The following SBNO1 variants were observed in gnomAD, a reference collection of about 807,000 sequenced individuals.
SBNO1 encodes protein strawberry notch homolog 1.
Under a neutral mutation model 173.6 loss-of-function variants are expected in SBNO1, and 23 were observed. The observed-to-expected ratio is 0.13, with a 90% CI of 0.10 to 0.19. SBNO1 has a LOEUF of 0.19. SBNO1 is among the 10% of genes least tolerant of loss of function. The probability of loss-of-function intolerance (pLI) is 1.00; values close to 1 mark genes in which losing one functional copy is unlikely to be tolerated. For missense variants in SBNO1, 1,238 were observed against 1,671.2 expected (o/e 0.74, Z 4.52); for synonymous variants, 632 against 571.5 (o/e 1.11, Z -1.51).
At chr12:123,296,173 T>A in intron 31 of SBNO1, 123 bp from the exon 32 acceptor site, 2 of 613,838 alleles carry the variant, frequency 3.3e-6, no homozygotes, top group Non-Finnish European at 5.8e-6. Context: ...ACACAAAAAT[T>A]AAACGACTAC....
intron 6 of SBNO1, among the ~76,000 whole-genome samples, chr12:123,336,044 G>A (rs186705935): frequency 1.6e-3 from 236 of 151,968 alleles, no homozygotes; most frequent in Admixed American, 6.2e-3. Flanking sequence ...CCTAATTTTC[G>A]ACTTCATACA....
chr12:123,309,661 T>C (rs1478798791), intron 26 of SBNO1, 49 bp downstream of exon 26: 26 of 1,602,190 alleles, frequency 1.6e-5, no homozygotes, highest in Non-Finnish European at 2.0e-5. Flanking sequence ...ATTTCTCCAC[T>C]CCACATTTTC....
chr12:123,334,619 A>C (rs1436886206), intron 6 of SBNO1, among the ~76,000 whole-genome samples: 1 of 152,178 alleles, frequency 6.6e-6, no homozygotes, highest in East Asian at 1.9e-4. Flanking sequence ...GAGGAACGAG[A>C]ATTGCTTGAA....
chr12:123,329,567 T>C (rs1009862375), intron 9 of SBNO1, among the ~76,000 whole-genome samples: 1 of 152,076 alleles, frequency 6.6e-6, no homozygotes, highest in African/African-American at 2.4e-5. Context: ...TAATTGTTAA[T>C]GTGCCTTTCT....
chr12:123,357,517 C>T (rs1273011420), intron 1 of SBNO1, among the ~76,000 whole-genome samples: 1 of 151,838 alleles, frequency 6.6e-6, no homozygotes, highest in Non-Finnish European at 1.5e-5. Flanking sequence ...CTGAGGCAGG[C>T]GGATCACAAG....
chr12:123,333,947 C>T (rs1175153243), intron 7 of SBNO1, 106 bp downstream of exon 7: 1 of 666,252 alleles, frequency 1.5e-6, no homozygotes. Flanking sequence ...ATAAATATTA[C>T]ATTTACAAGG....
chr12:123,353,067 G>C (rs1189559563), intron 1 of SBNO1, among the ~76,000 whole-genome samples: 1 of 152,084 alleles, frequency 6.6e-6, no homozygotes, highest in Non-Finnish European at 1.5e-5. Context: ...CAAAGTGCTA[G>C]GATTAGAGGC....
chr12:123,313,574 T>C, intron 24 of SBNO1, 46 bp downstream of exon 24: 1 of 1,025,916 alleles, frequency 9.7e-7, no homozygotes, highest in Non-Finnish European at 1.5e-6. Flanking sequence ...TGAGTACATC[T>C]TTGTCAATAA....
intron 4 of SBNO1, among the ~76,000 whole-genome samples, chr12:123,344,666 C>G (rs1449672234): frequency 1.3e-5 from 2 of 152,066 alleles, no homozygotes; most frequent in African/African-American, 2.4e-5. Flanking sequence ...CTGGCCAACA[C>G]AGTGAAACCC....
chr12:123,334,296 T>G (rs1871570955), intron 6 of SBNO1, 83 bp from the exon 7 acceptor site: 2 of 856,778 alleles, frequency 2.3e-6, no homozygotes, highest in East Asian at 5.8e-5. Flanking sequence ...TTTCAATGTT[T>G]TTCTTATAAC....
At chr12:123,301,794 C>G (rs1021977646) in intron 30 of SBNO1, among the ~76,000 whole-genome samples, 5 of 152,078 alleles carry the variant, frequency 3.3e-5, no homozygotes, top group African/African-American at 1.2e-4. Flanking sequence ...ACTCAGGAGG[C>G]TGAGATGGGA....
intron 28 of SBNO1, 33 bp downstream of exon 28, chr12:123,309,277 A>G (rs1213274844): frequency 1.4e-6 from 2 of 1,468,370 alleles, no homozygotes; most frequent in East Asian, 2.3e-5. Flanking sequence ...AAAGTATTAT[A>G]TATCTGAATA....
At chr12:123,297,422 A>AAAAAAAAAAAAAAAAAAAT (rs1555243597) in intron 31 of SBNO1, among the ~76,000 whole-genome samples, 42 of 148,166 alleles carry the variant, frequency 2.8e-4, no homozygotes, top group East Asian at 9.9e-4. Context: ...AAAAAAAAAA[A>AAAAAAAAAAAAAAAAAAAT]TTCCATAGAC....
intron 23 of SBNO1, among the ~76,000 whole-genome samples, chr12:123,315,059 A>G (rs981941581): frequency 3.9e-5 from 6 of 152,116 alleles, no homozygotes; most frequent in African/African-American, 1.4e-4. Context: ...TATATTTTAT[A>G]CTGCCTAGTT....
chr12:123,336,165 T>C (rs1320214923), intron 6 of SBNO1, among the ~76,000 whole-genome samples: 1 of 152,216 alleles, frequency 6.6e-6, no homozygotes, highest in Non-Finnish European at 1.5e-5. Context: ...TTTAGACAAG[T>C]TGTATTAAAT....
intron 1 of SBNO1, among the ~76,000 whole-genome samples, chr12:123,354,647 A>C (rs1874232115): frequency 1.3e-5 from 2 of 152,200 alleles, no homozygotes; most frequent in African/African-American, 4.8e-5. Flanking sequence ...TGTATTAGCC[A>C]ATCTCCTCCT....
intron 1 of SBNO1, among the ~76,000 whole-genome samples, chr12:123,360,327 G>A (rs1371999249): frequency 1.3e-5 from 2 of 152,090 alleles, no homozygotes; most frequent in African/African-American, 2.4e-5. Flanking sequence ...GGAATGTGAG[G>A]TTACTCAGTA....
chr12:123,324,362 C>T (rs886658657), intron 15 of SBNO1, among the ~76,000 whole-genome samples: 2 of 151,450 alleles, frequency 1.3e-5, no homozygotes, highest in Non-Finnish European at 2.9e-5. Context: ...CTCTCTGTCA[C>T]CCAGGCTGGA....
intron 1 of SBNO1, among the ~76,000 whole-genome samples, chr12:123,361,286 C>T (rs1013763725): frequency 6.6e-5 from 10 of 151,380 alleles, no homozygotes; most frequent in Non-Finnish European, 1.0e-4. Context: ...TGGTGGCTCA[C>T]GCCTGTAATC....
Sources: allele counts gnomAD v4.1 joint callset (sites outside exome capture counted in the v4.1 genomes callset), GRCh38; gene constraint gnomAD v4.1.1; transcripts MANE v1.5; gene names NCBI Gene and HGNC (gene_info 2026-07-23, HGNC 2026-07-21).